TCF4: variants seen among roughly 807,000 people sequenced by gnomAD.
TCF4 encodes the protein SL3-3 enhancer factor 2.
In TCF4, 3 loss-of-function variants were observed where a neutral mutation model predicts 82.1. That is an observed-to-expected ratio of 0.04 (90% confidence interval 0.02 to 0.09). TCF4 has a LOEUF of 0.09. Ranked by LOEUF, TCF4 falls within the 10% of genes least tolerant of loss-of-function variation. TCF4 has a pLI of 1.00. For synonymous variants in TCF4, 276 were observed against 309.6 expected, an observed-to-expected ratio of 0.89 and a Z score of 1.14; for missense variants, 518 against 852.7, an observed-to-expected ratio of 0.61 and a Z score of 4.89.
intron 6 of TCF4, among the ~76,000 whole-genome samples, chr18:55,366,716 C>T (rs1251803389): frequency 6.6e-6 from 1 of 152,216 alleles, no homozygotes; most frequent in African/African-American, 2.4e-5. Flanking sequence ...TGAGCACAGC[C>T]AGTTTGTCCA....
At chr18:55,407,859 A>G (rs1437921303) in intron 5 of TCF4, among the ~76,000 whole-genome samples, 3 of 152,162 alleles carry the variant, frequency 2.0e-5, no homozygotes, top group Non-Finnish European at 2.9e-5. Flanking sequence ...ATGGTATCCT[A>G]TTGTAAGGGA....
chr18:55,251,282 T>C (rs1047231434), intron 15 of TCF4, among the ~76,000 whole-genome samples: 1 of 151,742 alleles, frequency 6.6e-6, no homozygotes, highest in Non-Finnish European at 1.5e-5. Flanking sequence ...CTTGCAAGTA[T>C]ACAAACATTC....
chr18:55,271,284 C>T (rs1042677460), intron 10 of TCF4, among the ~76,000 whole-genome samples: 1 of 152,056 alleles, frequency 6.6e-6, no homozygotes, highest in Admixed American at 6.6e-5. Flanking sequence ...CTTGCTTTTT[C>T]TAATGTATTT....
intron 2 of TCF4, among the ~76,000 whole-genome samples, chr18:55,627,545 C>G (rs180972804): frequency 3.3e-4 from 50 of 151,740 alleles, no homozygotes; most frequent in African/African-American, 7.7e-4. Context: ...GGGTGGATCA[C>G]TTGAGGTCAG....
intron 3 of TCF4, among the ~76,000 whole-genome samples, chr18:55,584,634 T>C (rs1214351620): frequency 1.3e-5 from 2 of 152,124 alleles, no homozygotes; most frequent in Non-Finnish European, 2.9e-5. Context: ...CACCCAAAGA[T>C]CTTTCATTTA....
At chr18:55,293,065 T>A (rs1284588653) in intron 8 of TCF4, among the ~76,000 whole-genome samples, 1 of 152,128 alleles carries the variant, frequency 6.6e-6, no homozygotes, top group Admixed American at 6.5e-5. Context: ...TGCTCAACAT[T>A]GTGAATGTAC....
intron 3 of TCF4, among the ~76,000 whole-genome samples, chr18:55,512,704 G>A (rs1219617067): frequency 1.3e-5 from 2 of 152,054 alleles, no homozygotes; most frequent in Non-Finnish European, 2.9e-5. Context: ...CAGAATGCTG[G>A]TAAATATTGA....
intron 8 of TCF4, among the ~76,000 whole-genome samples, chr18:55,346,322 T>C (rs983331505): frequency 6.6e-6 from 1 of 152,194 alleles, no homozygotes; most frequent in Non-Finnish European, 1.5e-5. Context: ...ACAAATATTC[T>C]TGAAGCGTCC....
At chr18:55,391,492 C>T (rs1828054999) in intron 6 of TCF4, among the ~76,000 whole-genome samples, 1 of 152,070 alleles carries the variant, frequency 6.6e-6, no homozygotes, top group African/African-American at 2.4e-5. Flanking sequence ...GCCCTCCATT[C>T]CGTGAAACCT....
intron 3 of TCF4, among the ~76,000 whole-genome samples, chr18:55,490,223 T>C (rs1161716703): frequency 6.6e-6 from 1 of 152,190 alleles, no homozygotes; most frequent in African/African-American, 2.4e-5. Flanking sequence ...TCTGCGGTTA[T>C]TTTGCCTCTC....
At chr18:55,271,753 G>A (rs1223991602) in intron 10 of TCF4, among the ~76,000 whole-genome samples, 3 of 151,994 alleles carry the variant, frequency 2.0e-5, no homozygotes, top group Non-Finnish European at 4.4e-5. Context: ...TTTCTCCAAT[G>A]AAAAATATAG....
chr18:55,549,022 C>G (rs144199874), intron 3 of TCF4, among the ~76,000 whole-genome samples: 1 of 151,954 alleles, frequency 6.6e-6, no homozygotes, highest in East Asian at 1.9e-4. Context: ...TTTCTTTGGA[C>G]AGGCATGGTG....
intron 6 of TCF4, among the ~76,000 whole-genome samples, chr18:55,399,089 C>A (rs746570637): frequency 6.6e-6 from 1 of 152,152 alleles, no homozygotes; most frequent in Non-Finnish European, 1.5e-5. Context: ...TAATTTTGTA[C>A]GGTTTTCACT....
At chr18:55,522,850 A>G (rs2096943800) in intron 3 of TCF4, among the ~76,000 whole-genome samples, 1 of 152,080 alleles carries the variant, frequency 6.6e-6, no homozygotes, top group Non-Finnish European at 1.5e-5. Flanking sequence ...TAAAAACTGA[A>G]AAGCAAATTA....
At chr18:55,381,756 G>T (rs2091927147) in intron 6 of TCF4, among the ~76,000 whole-genome samples, 1 of 152,148 alleles carries the variant, frequency 6.6e-6, no homozygotes, top group South Asian at 2.1e-4. Context: ...ACATTGCATG[G>T]AATTTAGCAG....
chr18:55,378,531 A>G (rs2091295948), intron 6 of TCF4, among the ~76,000 whole-genome samples: 1 of 152,178 alleles, frequency 6.6e-6, no homozygotes, highest in Non-Finnish European at 1.5e-5. Flanking sequence ...ATAGATGAGG[A>G]GACTTAGGTA....
At chr18:55,471,264 C>G (rs953789204) in intron 3 of TCF4, among the ~76,000 whole-genome samples, 9 of 152,134 alleles carry the variant, frequency 5.9e-5, no homozygotes, top group African/African-American at 2.2e-4. Context: ...ATGATTGTTT[C>G]TGTTTTCTAT....
chr18:55,605,248 C>T (rs1424491426), intron 2 of TCF4, among the ~76,000 whole-genome samples: 1 of 152,198 alleles, frequency 6.6e-6, no homozygotes, highest in Non-Finnish European at 1.5e-5. Context: ...TACAGTGGCA[C>T]ATTTTAGGGA....
At chr18:55,261,818 G>A (rs1408220727) in intron 11 of TCF4, among the ~76,000 whole-genome samples, 2 of 152,188 alleles carry the variant, frequency 1.3e-5, no homozygotes, top group Admixed American at 6.5e-5. Flanking sequence ...CAAGCTATGT[G>A]ACGGTCATTG....
Sources: allele counts gnomAD v4.1 joint callset (sites outside exome capture counted in the v4.1 genomes callset), GRCh38; gene constraint gnomAD v4.1.1; transcripts MANE v1.5; gene names NCBI Gene and HGNC (gene_info 2026-07-23, HGNC 2026-07-21).